CPEB3: variants seen among roughly 807,000 people sequenced by gnomAD.
CPEB3 encodes the protein cytoplasmic polyadenylation element-binding protein 3.
Under a neutral mutation model 67.2 loss-of-function variants are expected in CPEB3, and 20 were observed. That is an observed-to-expected ratio of 0.30 (90% CI 0.21 to 0.43). CPEB3 has a LOEUF of 0.43. Among genes scored for constraint, CPEB3 ranks in the 20% least tolerant of loss-of-function variants. The probability of loss-of-function intolerance (pLI) is 1.00; values close to 1 mark genes in which losing one functional copy is unlikely to be tolerated. For synonymous variants in CPEB3, 376 were observed against 393.1 expected (o/e 0.96, Z 0.51); for missense variants, 746 against 968.6 (o/e 0.77, Z 3.05).
At chr10:92,203,338 A>ATATATATATATATATATG (rs1491464366) in intron 2 of CPEB3, among the ~76,000 whole-genome samples, 1 of 18,498 alleles carries the variant, frequency 5.4e-5, no homozygotes, top group Non-Finnish European at 9.3e-5. Context: ...ATAAGAGATG[A>ATATATATATATATATATG]TATATATATA....
intron 9 of CPEB3, among the ~76,000 whole-genome samples, chr10:92,060,018 A>C (rs1399408644): frequency 6.6e-6 from 1 of 152,134 alleles, no homozygotes; most frequent in Non-Finnish European, 1.5e-5. Flanking sequence ...TATCATTTTA[A>C]TTGATGCAGA....
intron 1 of CPEB3, among the ~76,000 whole-genome samples, chr10:92,268,806 G>A (rs1015025183): frequency 6.6e-6 from 1 of 152,184 alleles, no homozygotes; most frequent in Non-Finnish European, 1.5e-5. Context: ...AGGTTTCCAT[G>A]ATGGCAACCA....
intron 2 of CPEB3, among the ~76,000 whole-genome samples, chr10:92,224,546 C>A (rs980856054): frequency 1.8e-4 from 28 of 152,044 alleles, no homozygotes; most frequent in African/African-American, 6.8e-4. Flanking sequence ...CTGTACACAA[C>A]CTAGTCCCTC....
At chr10:92,088,060 G>A (rs1414900484) in intron 8 of CPEB3, among the ~76,000 whole-genome samples, 1 of 152,114 alleles carries the variant, frequency 6.6e-6, no homozygotes, top group South Asian at 2.1e-4. Flanking sequence ...TATTGTCACC[G>A]ATGGGAATGA....
chr10:92,102,057 C>T (rs903849419), intron 7 of CPEB3, among the ~76,000 whole-genome samples: 2 of 152,204 alleles, frequency 1.3e-5, no homozygotes, highest in Admixed American at 1.3e-4. Flanking sequence ...ATATTGGCAT[C>T]TCATTTCAAC....
At chr10:92,199,791 G>T (rs1849427751) in intron 2 of CPEB3, among the ~76,000 whole-genome samples, 1 of 151,568 alleles carries the variant, frequency 6.6e-6, no homozygotes, top group South Asian at 2.1e-4. Flanking sequence ...AATATGTCAG[G>T]TCCCTTCTGC....
At chr10:92,132,642 A>C (rs1416691309) in intron 6 of CPEB3, among the ~76,000 whole-genome samples, 1 of 152,098 alleles carries the variant, frequency 6.6e-6, no homozygotes, top group Non-Finnish European at 1.5e-5. Context: ...TCCAGGACTT[A>C]AACTCGGCTC....
chr10:92,264,327 CAA>C (rs1216678647), intron 1 of CPEB3, among the ~76,000 whole-genome samples: 18 of 86,616 alleles, frequency 2.1e-4, no homozygotes, highest in Admixed American at 2.5e-4. Context: ...GACTCCATCT[CAA>C]AAAAAAAAAA....
At chr10:92,124,770 T>G (rs1334501870) in intron 6 of CPEB3, among the ~76,000 whole-genome samples, 1 of 152,222 alleles carries the variant, frequency 6.6e-6, no homozygotes, top group Non-Finnish European at 1.5e-5. Flanking sequence ...CTTATTTCCA[T>G]TCAAGTTATG....
In CPEB3 at chr10:92,052,187, A is replaced by T. The variant is rs1355479459; in HGVS notation, c.*25T>A. On this transcript the variant is annotated 3_prime_UTR_variant, in exon 10 of 10. Transcript: ENST00000265997. ...TTCCCTCCTTGTTATCTACTCCAGT[A>T]CTTGTGGCTGGGTCGGCCCGTGGCT... is the stretch of plus-strand genomic sequence containing the variant. The T allele has an allele frequency of 6.5e-6, 10 of 1,548,562 alleles. No homozygotes were observed. The highest frequency in any genetic ancestry group is 8.9e-6 in the Non-Finnish European group (10 of 1,121,956).
Position 92,240,274 on chromosome 10 carries a change from GGCTGCTGCTGCTGCCGCT to G in CPEB3, c.59_76del (p.Gln20_Gln25del). The G allele has an allele frequency of 6.6e-7, 1 of 1,518,630 alleles. No homozygotes were observed. Among genetic ancestry groups the G allele is most frequent in the Non-Finnish European group, 8.8e-7 (1 of 1,132,242 alleles). The allele number at this position is 1,518,630 out of a possible 1,614,324, so 94.1% of individuals were successfully genotyped here. On this transcript the variant is annotated inframe_deletion, in exon 2 of 10. Transcript: ENST00000265997. ...TTCGGATACGCTGGACTCAGGTTGG[GGCTGCTGCTGCTGCCGCT>G]GCTGCTGCTGGGGCTGGGGCTGGGT...
At chr10:92,173,077 G>T (rs898806517) in intron 4 of CPEB3, among the ~76,000 whole-genome samples, 3 of 152,056 alleles carry the variant, frequency 2.0e-5, no homozygotes, top group African/African-American at 7.2e-5. Flanking sequence ...AACAGGCCAG[G>T]CATTATACTT....
intron 1 of CPEB3, among the ~76,000 whole-genome samples, chr10:92,257,461 A>AT (rs765613437): frequency 5.9e-5 from 9 of 151,704 alleles, no homozygotes; most frequent in African/African-American, 2.2e-4. Flanking sequence ...CACCCAGCTA[A>AT]TTTTTTGTAT....
At chr10:92,203,410 G>A (rs1203034143) in intron 2 of CPEB3, among the ~76,000 whole-genome samples, 1 of 141,682 alleles carries the variant, frequency 7.1e-6, no homozygotes, top group Admixed American at 7.2e-5. Context: ...GTATATATAT[G>A]TATATGTATA....
rs1224528392 is a variant in CPEB3, at chr10:92,267,107, T to C, written c.-12+23819A>G. 8.6e-5 allele frequency among the ~76,000 whole-genome samples: 13 copies of C among 151,910 alleles called. No individual in the cohort carries two copies. In the South Asian group the frequency reaches 1.0e-3, roughly 12 times the overall value. ...GTGAATTAAAAGAAGGAGCCATCCATATGGCTGGTGGTAGAGGATGCAGAG... is the reference window on the plus strand; with the variant it reads ...GTGAATTAAAAGAAGGAGCCATCCACATGGCTGGTGGTAGAGGATGCAGAG... On this transcript the variant is annotated intron_variant, in intron 1 of 9. Transcript: ENST00000265997.
chr10:92,118,421 C>T lies in CPEB3; in HGVS notation c.1454-7227G>A, dbSNP rs150692501. On this transcript the variant is annotated intron_variant, in intron 6 of 9. Transcript: ENST00000265997. Reference sequence around the variant, plus strand: ...TGCTGGGATTACAGGTGTGAGCCACCGTGCCCGGCCTGACATTGTTTTAAT... The same window carrying T: ...TGCTGGGATTACAGGTGTGAGCCACTGTGCCCGGCCTGACATTGTTTTAAT... Among the ~76,000 whole-genome samples the T allele has an allele frequency of 9.5e-3, 1,440 of 152,268 alleles. 18 individuals are homozygous for T. Among genetic ancestry groups the T allele is most frequent in the African/African-American group, 0.033 (1,356 of 41,548 alleles).
At chr10:92,265,428 A>G (rs1193290482) in intron 1 of CPEB3, among the ~76,000 whole-genome samples, 5 of 152,090 alleles carry the variant, frequency 3.3e-5, no homozygotes, top group South Asian at 2.1e-4. Flanking sequence ...AGAGACTTCA[A>G]TTAGTCTTAG....
At chr10:92,056,090 G>C (rs1467688208) in intron 9 of CPEB3, among the ~76,000 whole-genome samples, 1 of 152,132 alleles carries the variant, frequency 6.6e-6, no homozygotes, top group African/African-American at 2.4e-5. Context: ...GCTCTCAGAG[G>C]CCTTTCCTGA....
intron 9 of CPEB3, among the ~76,000 whole-genome samples, chr10:92,058,335 C>G (rs1009652470): frequency 6.6e-6 from 1 of 152,060 alleles, no homozygotes. Context: ...CACCTGAGGT[C>G]AGGAGTTTGA....
Sources: gnomAD v4.1 joint callset for allele counts (sites outside exome capture counted in the v4.1 genomes callset) on GRCh38, gnomAD v4.1.1 for gene constraint, MANE v1.5 for transcripts, NCBI Gene and HGNC (gene_info 2026-07-23, HGNC 2026-07-21) for gene names.